The following CBFA2T2 variants were observed in gnomAD, a reference collection of about 807,000 sequenced individuals.
CBFA2T2 encodes protein CBFA2T2.
In CBFA2T2, 11 loss-of-function variants were observed where a neutral mutation model predicts 62.2. The ratio of observed to expected loss-of-function variants is 0.18; its 90% CI spans 0.11 to 0.29. The LOEUF is 0.29. CBFA2T2 is among the 10% of genes least tolerant of loss of function. The probability of loss-of-function intolerance (pLI) is 1.00; values close to 1 mark genes in which losing one functional copy is unlikely to be tolerated. For synonymous variants in CBFA2T2, 295 were observed against 287.5 expected, an observed-to-expected ratio of 1.03 and a Z score of -0.27; for missense variants, 592 against 774.1, an observed-to-expected ratio of 0.76 and a Z score of 2.79.
At chr20:33,515,372 G>T (rs993362677) in intron 1 of CBFA2T2, among the ~76,000 whole-genome samples, 4 of 88,354 alleles carry the variant, frequency 4.5e-5, no homozygotes, top group African/African-American at 1.2e-4. Context: ...AAAAAAAAAA[G>T]TGTGGCACTG....
At chr20:33,542,457 T>G (rs976069327) in intron 1 of CBFA2T2, among the ~76,000 whole-genome samples, 1 of 152,156 alleles carries the variant, frequency 6.6e-6, no homozygotes, top group African/African-American at 2.4e-5. Flanking sequence ...TTATTATAAT[T>G]TTTTTCATTA....
At chr20:33,548,627 A>G (rs2012644383) in intron 1 of CBFA2T2, among the ~76,000 whole-genome samples, 1 of 151,912 alleles carries the variant, frequency 6.6e-6, no homozygotes, top group East Asian at 1.9e-4. Context: ...TAAAACTCAT[A>G]TTTTAGGCTT....
At chr20:33,514,215 T>TTG (rs1555829693) in intron 1 of CBFA2T2, among the ~76,000 whole-genome samples, 1 of 127,260 alleles carries the variant, frequency 7.9e-6, no homozygotes, top group Non-Finnish European at 1.7e-5. Context: ...TGTTTTTTTT[T>TTG]TTTTTTTTTT....
intron 2 of CBFA2T2, among the ~76,000 whole-genome samples, chr20:33,607,699 C>T (rs1271646093): frequency 6.6e-6 from 1 of 152,132 alleles, no homozygotes; most frequent in Non-Finnish European, 1.5e-5. Flanking sequence ...GGTGTCTCTT[C>T]CCCTGCCTTT....
intron 1 of CBFA2T2, among the ~76,000 whole-genome samples, chr20:33,565,303 A>G (rs1232570078): frequency 6.6e-6 from 1 of 152,226 alleles, no homozygotes; most frequent in African/African-American, 2.4e-5. Flanking sequence ...TTGTTCAACA[A>G]GCATCTTTGG....
chr20:33,539,253 AAGAG>A (rs2012346454), intron 1 of CBFA2T2, among the ~76,000 whole-genome samples: 1 of 152,224 alleles, frequency 6.6e-6, no homozygotes, highest in Admixed American at 6.5e-5. Flanking sequence ...TGTGAATTGA[AAGAG>A]AGAACATAGA....
intron 4 of CBFA2T2, among the ~76,000 whole-genome samples, chr20:33,622,033 A>G (rs1418519154): frequency 6.6e-6 from 1 of 152,240 alleles, no homozygotes; most frequent in Non-Finnish European, 1.5e-5. Flanking sequence ...TTTATTCATC[A>G]TGGGACACAT....
intron 1 of CBFA2T2, among the ~76,000 whole-genome samples, chr20:33,568,290 C>G (rs1327473107): frequency 1.3e-5 from 2 of 152,140 alleles, no homozygotes; most frequent in African/African-American, 4.8e-5. Flanking sequence ...GTCACAATAA[C>G]TAAAAGATTT....
In CBFA2T2 at chr20:33,640,513, G is replaced by T; in HGVS notation, c.1470G>T (p.Glu490Asp). 1 of 1,614,200 alleles carries T rather than the reference G, an allele frequency of 6.2e-7. No individual in the cohort carries two copies. The highest frequency in any genetic ancestry group is 8.5e-7 in the Non-Finnish European group (1 of 1,180,030). Residue 490 changes from glutamate to aspartate, a missense_variant, in exon 10 of 11, where the codon GAG (glutamate) becomes GAT (aspartate). By Grantham distance (45) the Glu-to-Asp change is conservative (BLOSUM62 2). Transcript: ENST00000342704. Reference protein sequence around the residue: ...AAEDAFLVINEQEESTENCWN... With the variant: ...AAEDAFLVINDQEESTENCWN... ...AGGATGCTTTCCTCGTCATCAATGA[G>T]CAAGAGGAGTCCACGGAGGTCAGAG...
At chr20:33,517,890 C>G (rs908043919) in intron 1 of CBFA2T2, among the ~76,000 whole-genome samples, 13 of 151,858 alleles carry the variant, frequency 8.6e-5, no homozygotes, top group Middle Eastern at 3.4e-3. Context: ...GTGATCCACC[C>G]GCCTCGGCCT....
intron 1 of CBFA2T2, among the ~76,000 whole-genome samples, chr20:33,536,635 G>A (rs1211625674): frequency 3.4e-5 from 5 of 148,200 alleles, no homozygotes; most frequent in South Asian, 2.2e-4. Context: ...GTTGCCAGGC[G>A]GAGGGTCTCC....
At chr20:33,643,763 AT>A (rs1388111180) in intron 10 of CBFA2T2, among the ~76,000 whole-genome samples, 3 of 1,742 alleles carry the variant, frequency 1.7e-3, no homozygotes, top group Non-Finnish European at 2.7e-3. Context: ...CTATATATAT[AT>A]ATATATATAT....
chr20:33,522,002 T>C (rs1049330031), intron 1 of CBFA2T2, among the ~76,000 whole-genome samples: 1 of 152,030 alleles, frequency 6.6e-6, no homozygotes, highest in African/African-American at 2.4e-5. Context: ...TATATATATA[T>C]ATAGTTTATG....
chr20:33,500,261 C>G lies in CBFA2T2; in HGVS notation c.34+9960C>G, dbSNP rs528132801. Among the ~76,000 whole-genome samples the G allele has an allele frequency of 4.7e-4, 71 of 152,090 alleles. 2 individuals carry two copies. The South Asian group carries it at 8.5e-3, about 18-fold the overall frequency. ...TGAGCCACTGCGCCCAGCCAAAAACCCACTTTTTTTTAACCCTCTATCGCA... is the reference window on the plus strand; with the variant it reads ...TGAGCCACTGCGCCCAGCCAAAAACGCACTTTTTTTTAACCCTCTATCGCA... On this transcript the variant is annotated intron_variant, in intron 1 of 10. Transcript: ENST00000342704.
intron 1 of CBFA2T2, among the ~76,000 whole-genome samples, chr20:33,531,572 C>T (rs1435047421): frequency 1.3e-5 from 2 of 152,190 alleles, no homozygotes; most frequent in African/African-American, 4.8e-5. Context: ...TCACACTGGA[C>T]CTGATCTCTT....
chr20:33,497,547 C>CT (rs756491939), intron 1 of CBFA2T2, among the ~76,000 whole-genome samples: 30,415 of 114,652 alleles, frequency 0.27, 4,732 homozygotes, highest in East Asian at 0.3. Context: ...AGCTTGTATA[C>CT]TTTTTTTTTT....
At position 33,577,107 on chromosome 20, in the gene CBFA2T2, C is replaced by G. The variant is rs145554642; in HGVS notation, c.35-29849C>G. ...TTTTGTTCTGCCTCCATCTTTCAGT[C>G]TATTTGGAAAACACAGTAGAGTACC... is the stretch of plus-strand genomic sequence containing the variant. On this transcript the variant is annotated intron_variant, in intron 1 of 10. Transcript: ENST00000342704. Among the ~76,000 whole-genome samples the G allele has an allele frequency of 8.5e-4, 129 of 152,266 alleles. 1 individual carries two copies. Among genetic ancestry groups the G allele is most frequent in the South Asian group, 2.1e-3 (10 of 4,824 alleles).
At chr20:33,623,952 T>TG (rs1555847287) in intron 5 of CBFA2T2, 2 of 452,038 alleles carry the variant, frequency 4.4e-6, no homozygotes, top group South Asian at 3.8e-5. Flanking sequence ...TAGAAAGAAT[T>TG]GGAAAAAAAA....
intron 1 of CBFA2T2, among the ~76,000 whole-genome samples, chr20:33,516,746 A>G (rs931722318): frequency 3.9e-5 from 6 of 152,198 alleles, no homozygotes; most frequent in African/African-American, 1.4e-4. Flanking sequence ...ATACCTTTAT[A>G]CACATCTGTA....
Sources: allele counts gnomAD v4.1 joint callset (sites outside exome capture counted in the v4.1 genomes callset), GRCh38; gene constraint gnomAD v4.1.1; transcripts MANE v1.5; gene names NCBI Gene and HGNC (gene_info 2026-07-23, HGNC 2026-07-21).